The following ANO5 variants were observed in gnomAD, a reference collection of about 807,000 sequenced individuals.
The protein encoded by ANO5 is anoctamin-5.
A neutral mutation model predicts 121.0 loss-of-function variants in ANO5; 109 were observed. The ratio of observed to expected loss-of-function variants is 0.90; its 90% confidence interval spans 0.77 to 1.06. ANO5 has a LOEUF of 1.06. Among genes scored for constraint, ANO5 ranks in the 50% least tolerant of loss-of-function variants. ANO5 has a pLI of 0.00. For missense variants in ANO5, 1,064 were observed against 1,078.5 expected, an observed-to-expected ratio of 0.99 and a Z score of 0.19; for synonymous variants, 406 against 359.9, an observed-to-expected ratio of 1.13 and a Z score of -1.45.
chr11:22,235,497 G>T (rs998867451), intron 7 of ANO5, among the ~76,000 whole-genome samples: 1 of 151,962 alleles, frequency 6.6e-6, no homozygotes, highest in African/African-American at 2.4e-5. Flanking sequence ...AGAAAGGAAA[G>T]GTAGGGGACT....
chr11:22,214,387 G>T (rs530760996), intron 3 of ANO5, among the ~76,000 whole-genome samples: 1 of 151,930 alleles, frequency 6.6e-6, no homozygotes, highest in East Asian at 1.9e-4. Flanking sequence ...ATATATCATA[G>T]AAATATCACA....
At chr11:22,252,564 T>C (rs1048566931) in intron 12 of ANO5, among the ~76,000 whole-genome samples, 1 of 152,250 alleles carries the variant, frequency 6.6e-6, no homozygotes, top group Non-Finnish European at 1.5e-5. Flanking sequence ...ATGATTCACA[T>C]GTGCTTTTGT....
At chr11:22,236,030 C>G in intron 7 of ANO5, 133 bp from the exon 8 acceptor site, 1 of 682,180 alleles carries the variant, frequency 1.5e-6, no homozygotes, top group South Asian at 1.6e-5. Flanking sequence ...TCCTGACAAC[C>G]AAGAGAAGCT....
At chr11:22,213,479 T>C (rs1852346382) in intron 3 of ANO5, among the ~76,000 whole-genome samples, 1 of 151,978 alleles carries the variant, frequency 6.6e-6, no homozygotes, top group African/African-American at 2.4e-5. Context: ...TATATGTTTT[T>C]GGAGGAAGAT....
chr11:22,212,732 T>C (rs1336715427), intron 3 of ANO5, among the ~76,000 whole-genome samples: 3 of 151,910 alleles, frequency 2.0e-5, no homozygotes, highest in Non-Finnish European at 4.4e-5. Context: ...GTGTGAGATA[T>C]TCATCTTTTT....
intron 14 of ANO5, among the ~76,000 whole-genome samples, chr11:22,258,728 G>T (rs1854083198): frequency 6.6e-6 from 1 of 152,188 alleles, no homozygotes; most frequent in Non-Finnish European, 1.5e-5. Context: ...CTTCAATGTA[G>T]AGCATGAGTC....
In ANO5 at chr11:22,193,255, C is replaced by A; in HGVS notation, c.-238C>A. The stretch of plus-strand genomic sequence containing the variant: ...CGAAGCAGGTTGTGGGGGACCGGGT[C>A]GAGTGGAAGTACCCGCCGGAGAGGA... On this transcript the variant is annotated 5_prime_UTR_variant, in exon 1 of 22. Transcript: ENST00000324559. 8.8e-7 allele frequency: 1 copy of A among 1,138,290 alleles called. No individual in the cohort carries two copies. The highest frequency in any genetic ancestry group is 1.1e-6 in the Non-Finnish European group (1 of 920,196). 70.5% of individuals were successfully genotyped at this position (1,138,290 alleles called of 1,614,324 possible).
In ANO5 at chr11:22,272,837, C is replaced by T; in HGVS notation, c.2083C>T (p.Leu695Phe). 6.2e-7 allele frequency: 1 copy of T among 1,614,136 alleles called. No homozygotes were observed. The highest frequency in any genetic ancestry group is 1.7e-5 in the Admixed American group (1 of 60,020). ...LFVASFPLAP[L>F]LALINNIVEI... ...TGTGGCCTCTTTTCCTTTGGCTCCT[C>T]TTCTTGCTCTCATAAATAATATTGT... Residue 695 changes from leucine (L) to phenylalanine (F), a missense_variant, in exon 19 of 22, where the codon CTT becomes TTT. Leu to Phe is a conservative substitution (Grantham distance 22). Transcript: ENST00000324559.
intron 9 of ANO5, among the ~76,000 whole-genome samples, chr11:22,244,218 G>C (rs1051200822): frequency 6.6e-6 from 1 of 152,112 alleles, no homozygotes; most frequent in African/African-American, 2.4e-5. Context: ...CTTTAAGGAT[G>C]CTACAAATAG....
intron 9 of ANO5, 43 bp from the exon 10 acceptor site, chr11:22,250,194 A>G: frequency 1.3e-6 from 2 of 1,525,352 alleles, no homozygotes; most frequent in Non-Finnish European, 1.8e-6. Flanking sequence ...CCAGACTATA[A>G]CATTCTTCCA....
At chr11:22,261,781 C>G (rs1211333335) in intron 15 of ANO5, 8 of 258,538 alleles carry the variant, frequency 3.1e-5, no homozygotes, top group African/African-American at 6.8e-5. Context: ...TCCCTTGGCA[C>G]GTGGGAATTA....
intron 5 of ANO5, among the ~76,000 whole-genome samples, chr11:22,225,547 G>C (rs1278064315): frequency 6.6e-6 from 1 of 152,052 alleles, no homozygotes; most frequent in African/African-American, 2.4e-5. Context: ...TTTACTTTTT[G>C]CTAAGTGAAG....
rs1854845206 is a variant in ANO5, at chr11:22,276,267, C to T, written c.2520+68C>T. 9 of 1,284,438 alleles carry T rather than the reference C, an allele frequency of 7.0e-6. No individual in the cohort carries two copies. The African/African-American group carries it at 1.0e-4, about 15-fold the overall frequency. The allele number at this position is 1,284,438 out of a possible 1,614,324, so 79.6% of individuals were successfully genotyped here. A position where few individuals can be genotyped will look rare whatever the true frequency, so the allele number is the denominator to read the frequency against. On this transcript the variant is annotated intron_variant, in intron 21 of 21. Transcript: ENST00000324559. ...TTTAGGCAGATATTTCTAAAGGTAACCTCTCATCAGAAAGTTAGCAATATC... is the reference window on the plus strand; with the variant it reads ...TTTAGGCAGATATTTCTAAAGGTAATCTCTCATCAGAAAGTTAGCAATATC...
chr11:22,230,521 T>C (rs1394232316), intron 7 of ANO5, among the ~76,000 whole-genome samples: 6 of 152,052 alleles, frequency 3.9e-5, no homozygotes, highest in Non-Finnish European at 8.8e-5. Flanking sequence ...TTTTAAAAAA[T>C]TCTTTTATCT....
chr11:22,200,592 T>TGGTG (rs1325556585), intron 1 of ANO5, among the ~76,000 whole-genome samples: 1 of 152,114 alleles, frequency 6.6e-6, no homozygotes, highest in Non-Finnish European at 1.5e-5. Flanking sequence ...GAGTGCATGA[T>TGGTG]GGTGGAGAAT....
intron 17 of ANO5, among the ~76,000 whole-genome samples, chr11:22,269,940 C>T (rs1244345884): frequency 6.6e-6 from 1 of 152,100 alleles, no homozygotes; most frequent in Admixed American, 6.6e-5. Context: ...CTATTATAGT[C>T]AATTTCATAT....
intron 12 of ANO5, among the ~76,000 whole-genome samples, chr11:22,252,134 G>A (rs1309200180): frequency 6.6e-6 from 1 of 151,444 alleles, no homozygotes; most frequent in Non-Finnish European, 1.5e-5. Flanking sequence ...GGGATTTATG[G>A]CTTTCTCTCA....
chr11:22,275,466 A>C (rs1854805993), intron 20 of ANO5, among the ~76,000 whole-genome samples: 1 of 151,948 alleles, frequency 6.6e-6, no homozygotes, highest in African/African-American at 2.4e-5. Flanking sequence ...ATCATAGCCT[A>C]ATGTGTTTAA....
At chr11:22,197,039 T>C (rs996634839) in intron 1 of ANO5, among the ~76,000 whole-genome samples, 1 of 152,220 alleles carries the variant, frequency 6.6e-6, no homozygotes, top group African/African-American at 2.4e-5. Context: ...TTTACCCATA[T>C]AGGTAAGCCT....
Sources: allele counts gnomAD v4.1 joint callset (sites outside exome capture counted in the v4.1 genomes callset), GRCh38; gene constraint gnomAD v4.1.1; transcripts MANE v1.5; gene names NCBI Gene and HGNC (gene_info 2026-07-23, HGNC 2026-07-21).